Variants in RBFOX1 observed in about 807,000 individuals in gnomAD.
The protein encoded by RBFOX1 is RNA binding fox-1 homolog 1, also known as RNA binding protein fox-1 homolog 1.
A neutral mutation model predicts 57.7 loss-of-function variants in RBFOX1; 8 were observed. The ratio of observed to expected loss-of-function variants is 0.14; its 90% CI spans 0.08 to 0.25. RBFOX1 has a LOEUF of 0.25. Ranked by LOEUF, RBFOX1 falls within the 10% of genes least tolerant of loss-of-function variation. The probability of loss-of-function intolerance (pLI) is 1.00; values close to 1 mark genes in which losing one functional copy is unlikely to be tolerated. For missense variants in RBFOX1, 611 were observed against 548.5 expected (o/e 1.11, Z -1.14); for synonymous variants, 326 against 222.4 (o/e 1.47, Z -4.15).
chr16:6,836,365 C>T (rs60502649), intron 3 of RBFOX1, among the ~76,000 whole-genome samples: 4 of 152,126 alleles, frequency 2.6e-5, no homozygotes, highest in Admixed American at 2.0e-4. Context: ...CTGAAACACA[C>T]AGCAACAGAA....
chr16:7,066,160 G>C (rs925156405), intron 4 of RBFOX1, among the ~76,000 whole-genome samples: 2 of 152,184 alleles, frequency 1.3e-5, no homozygotes, highest in Admixed American at 6.5e-5. Context: ...GCACATATTA[G>C]TCCAGAGATT....
intron 1 of RBFOX1, among the ~76,000 whole-genome samples, chr16:6,212,481 A>T (rs1264477410): frequency 6.6e-6 from 1 of 152,250 alleles, no homozygotes; most frequent in South Asian, 2.1e-4. Flanking sequence ...CGAGGTGGGC[A>T]GATCACTTGA....
At position 5,549,465 on chromosome 16, in the gene RBFOX1, G is replaced by A. The variant is rs1056716277; in HGVS notation, c.259-49437G>A. On this transcript the variant is annotated intron_variant, in intron 2 of 2. Coordinates refer to the RBFOX1 transcript ENST00000585867. ...TTATTGGCTTTGAATACTTAGGAACGCTTTGGAAGAGGGAAATGACATAGC... is the reference window on the plus strand; with the variant it reads ...TTATTGGCTTTGAATACTTAGGAACACTTTGGAAGAGGGAAATGACATAGC... 7.9e-5 allele frequency among the ~76,000 whole-genome samples: 12 copies of A among 152,196 alleles called. 1 individual carries two copies. The highest frequency in any genetic ancestry group is 1.2e-4 in the Non-Finnish European group (8 of 68,038).
chr16:6,620,637 T>C (rs1324402886), intron 2 of RBFOX1, among the ~76,000 whole-genome samples: 1 of 151,608 alleles, frequency 6.6e-6, no homozygotes, highest in East Asian at 1.9e-4. Context: ...GGTAGAAGAT[T>C]CAAGTAAACA....
At chr16:6,931,561 T>G (rs1443845798) in intron 3 of RBFOX1, among the ~76,000 whole-genome samples, 1 of 152,088 alleles carries the variant, frequency 6.6e-6, no homozygotes, top group African/African-American at 2.4e-5. Context: ...GCTTTGTCAA[T>G]TCACACTCTT....
chr16:5,537,557 A>T (rs1167406747), intron 2 of RBFOX1, among the ~76,000 whole-genome samples: 1 of 152,178 alleles, frequency 6.6e-6, no homozygotes, highest in African/African-American at 2.4e-5. Flanking sequence ...GTTGGTAGAA[A>T]TCACTTCCTT....
chr16:7,076,327 C>T (rs1266370124), intron 4 of RBFOX1, among the ~76,000 whole-genome samples: 3 of 152,010 alleles, frequency 2.0e-5, no homozygotes, highest in Non-Finnish European at 2.9e-5. Flanking sequence ...CCACCACTCC[C>T]GGCCATTTTT....
In RBFOX1 at chr16:5,492,344, C is replaced by T. The variant is rs80188014; in HGVS notation, c.258+25090C>T. ...TATTCACTTAGTACTTCCTGCACGCCAGGTCCTGTGCTCCATGGTACCCAG... is the reference window on the plus strand; with the variant it reads ...TATTCACTTAGTACTTCCTGCACGCTAGGTCCTGTGCTCCATGGTACCCAG... On this transcript the variant is annotated intron_variant, in intron 2 of 2. Transcript: ENST00000585867. Among the ~76,000 whole-genome samples the T allele has an allele frequency of 4.6e-3, 703 of 152,282 alleles. 1 individual carries two copies. Among genetic ancestry groups the T allele is most frequent in the African/African-American group, 0.016 (680 of 41,538 alleles).
chr16:5,938,460 A>G (rs923900356), intron 4 of RBFOX1, among the ~76,000 whole-genome samples: 2 of 152,222 alleles, frequency 1.3e-5, no homozygotes, highest in African/African-American at 4.8e-5. Context: ...CATAGCTACC[A>G]TATTTAAAAT....
intron 2 of RBFOX1, among the ~76,000 whole-genome samples, chr16:5,496,015 A>G (rs933839846): frequency 1.3e-5 from 2 of 152,120 alleles, no homozygotes; most frequent in African/African-American, 4.8e-5. Context: ...AATCCCAGCT[A>G]CTCGGGAGGC....
chr16:5,436,179 C>G (rs2067912467), intron 1 of RBFOX1, among the ~76,000 whole-genome samples: 1 of 152,220 alleles, frequency 6.6e-6, no homozygotes, highest in African/African-American at 2.4e-5. Context: ...GGGAGAGACA[C>G]TTCAATGCTC....
intron 14 of RBFOX1, among the ~76,000 whole-genome samples, chr16:7,692,889 A>AGAT (rs1568492021): frequency 6.6e-6 from 1 of 150,436 alleles, no homozygotes; most frequent in Non-Finnish European, 1.5e-5. Flanking sequence ...ACTTTTTCTT[A>AGAT]TTTTTTTTTG....
intron 3 of RBFOX1, among the ~76,000 whole-genome samples, chr16:6,998,991 C>G (rs1032920969): frequency 1.3e-5 from 2 of 151,322 alleles, no homozygotes; most frequent in African/African-American, 4.9e-5. Context: ...GCCTCGGCAT[C>G]CTGAGTAGCT....
chr16:5,451,391 A>T (rs2068422240), intron 1 of RBFOX1, among the ~76,000 whole-genome samples: 1 of 152,210 alleles, frequency 6.6e-6, no homozygotes, highest in African/African-American at 2.4e-5. Flanking sequence ...CTCAGAACCT[A>T]TTAAAAGTCA....
At chr16:7,087,313 C>G (rs1186909098) in intron 4 of RBFOX1, among the ~76,000 whole-genome samples, 1 of 152,138 alleles carries the variant, frequency 6.6e-6, no homozygotes, top group African/African-American at 2.4e-5. Flanking sequence ...TAAATTCCAC[C>G]AGTGGGGCTT....
At chr16:7,131,325 A>G (rs985429192) in intron 4 of RBFOX1, among the ~76,000 whole-genome samples, 2 of 133,174 alleles carry the variant, frequency 1.5e-5, no homozygotes, top group African/African-American at 5.7e-5. Context: ...CAGCGTGGGC[A>G]TTGCAGCGAG....
intron 3 of RBFOX1, among the ~76,000 whole-genome samples, chr16:5,699,797 A>G (rs1294711551): frequency 6.6e-6 from 1 of 152,180 alleles, no homozygotes; most frequent in African/African-American, 2.4e-5. Context: ...GATGGCATGG[A>G]TTTTAGCAGA....
intron 4 of RBFOX1, among the ~76,000 whole-genome samples, chr16:7,103,353 G>A (rs959932806): frequency 1.3e-5 from 2 of 152,102 alleles, no homozygotes; most frequent in South Asian, 2.1e-4. Flanking sequence ...GGCAGGCATC[G>A]TTCCTGATGC....
chr16:7,044,837 G>A (rs1568511230), intron 3 of RBFOX1, among the ~76,000 whole-genome samples: 1 of 152,066 alleles, frequency 6.6e-6, no homozygotes, highest in Non-Finnish European at 1.5e-5. Context: ...GGAGTTACAG[G>A]TGCCTTTTTT....
Sources: allele counts gnomAD v4.1 joint callset (sites outside exome capture counted in the v4.1 genomes callset), GRCh38; gene constraint gnomAD v4.1.1; transcripts MANE v1.5; gene names NCBI Gene and HGNC (gene_info 2026-07-23, HGNC 2026-07-21).